The following CPA6 variants were observed in gnomAD, a reference collection of about 807,000 sequenced individuals.
CPA6 encodes the protein carboxypeptidase B.
In CPA6, 58 loss-of-function variants were observed where a neutral mutation model predicts 63.3. That is an observed-to-expected ratio of 0.92 (90% CI 0.74 to 1.14). The LOEUF is 1.14. CPA6 is among the 50% of genes most tolerant of loss of function. The probability of loss-of-function intolerance (pLI) is 0.00; values close to 1 mark genes in which losing one functional copy is unlikely to be tolerated. For missense variants in CPA6, 565 were observed against 526.6 expected, an observed-to-expected ratio of 1.07 and a Z score of -0.71; for synonymous variants, 185 against 179.0, an observed-to-expected ratio of 1.03 and a Z score of -0.27.
intron 1 of CPA6, among the ~76,000 whole-genome samples, chr8:67,714,988 C>T (rs1817347663): frequency 6.6e-6 from 1 of 152,162 alleles, no homozygotes; most frequent in African/African-American, 2.4e-5. Flanking sequence ...GAAAAGGCAC[C>T]TCCCTTGGAA....
intron 10 of CPA6, among the ~76,000 whole-genome samples, chr8:67,424,267 T>C (rs1809835426): frequency 6.6e-6 from 1 of 152,194 alleles, no homozygotes; most frequent in Non-Finnish European, 1.5e-5. Context: ...GCGCAATGAA[T>C]GTAATGCATT....
intron 2 of CPA6, among the ~76,000 whole-genome samples, chr8:67,539,332 T>C (rs927885246): frequency 6.6e-6 from 1 of 152,234 alleles, no homozygotes; most frequent in Non-Finnish European, 1.5e-5. Flanking sequence ...GCCTCCAGTC[T>C]CTTTTGGCTT....
chr8:67,475,801 CTTTCTTTCTTTCTTTCCTTTCTTTT>C (rs1174169378), intron 8 of CPA6, among the ~76,000 whole-genome samples: 1,737 of 57,552 alleles, frequency 0.03, 53 homozygotes, highest in African/African-American at 0.048. Context: ...TTCTTTCTTT[CTTTCTTTCTTTCTTTCCTTTCTTTT>C]CTTTCTTTCT....
rs780095436 is a variant in CPA6, at chr8:67,434,224, C to A, written c.855G>T (p.Met285Ile). ...CACAGTATGTGTCATCACAAGGGTG[C>A]ATAGAAGCTCCTTCATCTGCAAGTC... ...KVKWCDEGAS[M>I]HPCDDTYCGP... The change falls in exon 9 of 11, where the codon ATG (methionine) becomes ATT (isoleucine). Residue 285 changes from methionine (M) to isoleucine (I), a missense_variant. Transcript: ENST00000297770. 6.2e-7 allele frequency: 1 copy of A among 1,613,858 alleles called. No individual in the cohort carries two copies. Among genetic ancestry groups the A allele is most frequent in the South Asian group, 1.1e-5 (1 of 91,072 alleles).
intron 1 of CPA6, among the ~76,000 whole-genome samples, chr8:67,728,636 A>T (rs141362251): frequency 6.6e-6 from 1 of 152,248 alleles, no homozygotes; most frequent in Non-Finnish European, 1.5e-5. Context: ...ATGAAACTGT[A>T]GAGAGTATTA....
At chr8:67,436,133 G>C (rs372787155) in intron 8 of CPA6, among the ~76,000 whole-genome samples, 3 of 152,196 alleles carry the variant, frequency 2.0e-5, no homozygotes, top group African/African-American at 7.2e-5. Flanking sequence ...TCACCCACCA[G>C]CTATTTCCCC....
At chr8:67,456,497 T>C (rs1810680583) in intron 8 of CPA6, among the ~76,000 whole-genome samples, 1 of 152,218 alleles carries the variant, frequency 6.6e-6, no homozygotes, top group African/African-American at 2.4e-5. Context: ...AGGGGTCCCG[T>C]GACCCCAGGC....
intron 2 of CPA6, among the ~76,000 whole-genome samples, chr8:67,590,272 C>A (rs1328433564): frequency 6.6e-6 from 1 of 151,018 alleles, no homozygotes. Flanking sequence ...GCCACATTTT[C>A]TTAATCCAGT....
chr8:67,521,490 T>C (rs1420777422), intron 2 of CPA6, among the ~76,000 whole-genome samples: 1 of 152,200 alleles, frequency 6.6e-6, no homozygotes, highest in African/African-American at 2.4e-5. Context: ...AGAAGCAAAA[T>C]AGCAGAGGGT....
At chr8:67,483,630 C>T (rs757295137) in intron 8 of CPA6, 138 bp downstream of exon 8, 20 of 765,064 alleles carry the variant, frequency 2.6e-5, no homozygotes, top group East Asian at 4.9e-5. Flanking sequence ...CTATCATGTA[C>T]GTATCTGTAC....
At chr8:67,452,946 A>G (rs1195973202) in intron 8 of CPA6, among the ~76,000 whole-genome samples, 1 of 152,188 alleles carries the variant, frequency 6.6e-6, no homozygotes, top group East Asian at 1.9e-4. Flanking sequence ...ATAGAAATAG[A>G]TGAGATCAAT....
Position 67,746,064 on chromosome 8 carries a change from CA to C in CPA6, c.65del (p.Leu22Ter), listed in dbSNP as rs1818001996. On this transcript the variant is annotated frameshift_variant, in exon 1 of 11. Transcript: ENST00000297770. LOFTEE classifies it high-confidence loss of function. The part of the protein sequence containing the change: ...AAFLPLCWLF[L>X]KILQPGHSHL... ...GGCTGTGCCCCGGTTGCAGAATCTT[CA>C]AAAAGAGCCAGCAAAGAGGCAGGAA... The C allele has an allele frequency of 1.2e-6, 2 of 1,613,768 alleles. No homozygotes were observed. The highest frequency in any genetic ancestry group is 2.7e-5 in the African/African-American group (2 of 74,900).
At chr8:67,480,734 G>C (rs1447850926) in intron 8 of CPA6, among the ~76,000 whole-genome samples, 1 of 151,900 alleles carries the variant, frequency 6.6e-6, no homozygotes, top group Non-Finnish European at 1.5e-5. Context: ...TAACTTTTTA[G>C]GGAAATGCCA....
At chr8:67,446,917 A>C (rs1331869030) in intron 8 of CPA6, among the ~76,000 whole-genome samples, 1 of 152,122 alleles carries the variant, frequency 6.6e-6, no homozygotes. Flanking sequence ...AAACAAATAC[A>C]CATAGTTTAC....
intron 9 of CPA6, among the ~76,000 whole-genome samples, chr8:67,432,131 G>A (rs941741157): frequency 1.3e-5 from 2 of 152,198 alleles, no homozygotes; most frequent in African/African-American, 2.4e-5. Flanking sequence ...AGGCCGCTAA[G>A]TAGCTTCAGG....
intron 8 of CPA6, among the ~76,000 whole-genome samples, chr8:67,475,822 CTTTTCTTT>C (rs1811182355): frequency 2.6e-4 from 12 of 46,850 alleles, no homozygotes; most frequent in South Asian, 2.5e-3. Flanking sequence ...TCTTTCCTTT[CTTTTCTTT>C]CTTTCTTTCT....
intron 1 of CPA6, among the ~76,000 whole-genome samples, chr8:67,655,785 A>G (rs1815969508): frequency 6.6e-6 from 1 of 152,130 alleles, no homozygotes; most frequent in African/African-American, 2.4e-5. Flanking sequence ...CCTGATTTTA[A>G]AACTACCACC....
intron 2 of CPA6, among the ~76,000 whole-genome samples, chr8:67,585,573 A>G (rs1421646790): frequency 6.6e-6 from 1 of 152,200 alleles, no homozygotes; most frequent in Non-Finnish European, 1.5e-5. Flanking sequence ...CCACAATCTA[A>G]TGTTTTGCTT....
chr8:67,459,066 A>G (rs781732199), intron 8 of CPA6, among the ~76,000 whole-genome samples: 26 of 152,260 alleles, frequency 1.7e-4, no homozygotes, highest in Non-Finnish European at 3.4e-4. Flanking sequence ...AGTTGAAAAC[A>G]TACCCACACA....
Sources: allele counts gnomAD v4.1 joint callset (sites outside exome capture counted in the v4.1 genomes callset), GRCh38; gene constraint gnomAD v4.1.1; transcripts MANE v1.5; gene names NCBI Gene and HGNC (gene_info 2026-07-23, HGNC 2026-07-21).